The following NEK1 variants were observed in gnomAD, a reference collection of about 807,000 sequenced individuals.
The protein encoded by NEK1 is serine/threonine-protein kinase Nek1.
Under a neutral mutation model 182.1 loss-of-function variants are expected in NEK1, and 137 were observed. The observed-to-expected ratio is 0.75, with a 90% confidence interval of 0.65 to 0.87. NEK1 has a LOEUF of 0.87. NEK1 is among the 40% of genes least tolerant of loss of function. NEK1 has a pLI of 0.00. For synonymous variants in NEK1, 513 were observed against 492.2 expected (o/e 1.04, Z -0.56); for missense variants, 1,391 against 1,494.4 (o/e 0.93, Z 1.14).
chr4:169,472,906 A>G, intron 26 of NEK1, among the ~76,000 whole-genome samples: 1 of 152,216 alleles, frequency 6.6e-6, no homozygotes, highest in East Asian at 1.9e-4. Flanking sequence ...AATGAAGAAG[A>G]TAATTACAGT....
chr4:169,459,199 A>G (rs924862810), intron 27 of NEK1, among the ~76,000 whole-genome samples: 8 of 152,194 alleles, frequency 5.3e-5, no homozygotes, highest in Non-Finnish European at 1.2e-4. Context: ...AAAGTACCCA[A>G]TTTAAAAATG....
At chr4:169,478,380 C>T (rs368939743) in intron 24 of NEK1, 1 of 152,092 alleles carries the variant, frequency 6.6e-6, no homozygotes, top group East Asian at 1.9e-4. Flanking sequence ...AATTAGCAGT[C>T]CTACAACCAG....
At chr4:169,437,533 T>C (rs4692730) in intron 28 of NEK1, among the ~76,000 whole-genome samples, 110,346 of 152,044 alleles carry the variant, frequency 0.73, 42,293 homozygotes, top group Middle Eastern at 0.88. Flanking sequence ...CTTTGACTAA[T>C]AGAATACGGC....
intron 19 of NEK1, among the ~76,000 whole-genome samples, chr4:169,522,460 T>TGA (rs1490108087): frequency 1.3e-5 from 2 of 152,258 alleles, no homozygotes; most frequent in African/African-American, 2.4e-5. Flanking sequence ...CTCATAGTCC[T>TGA]GCTTAATCTA....
chr4:169,597,324 C>T (rs889958170), intron 5 of NEK1, among the ~76,000 whole-genome samples: 1 of 152,108 alleles, frequency 6.6e-6, no homozygotes, highest in Admixed American at 6.6e-5. Flanking sequence ...CATGTCTGTG[C>T]CTGGCCAGAA....
At chr4:169,488,167 C>T (rs1464449993) in intron 23 of NEK1, among the ~76,000 whole-genome samples, 1 of 152,032 alleles carries the variant, frequency 6.6e-6, no homozygotes, top group Non-Finnish European at 1.5e-5. Context: ...TGCAAAAGCT[C>T]TTTAGTTAAT....
intron 2 of NEK1, 53 bp from the exon 3 acceptor site, chr4:169,602,731 T>C (rs1020945871): frequency 9.5e-6 from 6 of 632,374 alleles, no homozygotes; most frequent in African/African-American, 3.8e-5. Flanking sequence ...TATAACTTCA[T>C]AACAATTTTA....
chr4:169,587,871 C>G (rs957673139), intron 8 of NEK1, among the ~76,000 whole-genome samples: 2 of 151,846 alleles, frequency 1.3e-5, no homozygotes, highest in African/African-American at 2.4e-5. Context: ...AAAAAATTCA[C>G]GTAAATTCTA....
At chr4:169,550,653 C>T (rs1761286972) in intron 18 of NEK1, among the ~76,000 whole-genome samples, 1 of 152,190 alleles carries the variant, frequency 6.6e-6, no homozygotes, top group South Asian at 2.1e-4. Context: ...TCCATGAATA[C>T]TGAACAGAAC....
At chr4:169,410,079 TCTA>T (rs1733401805) in intron 31 of NEK1, among the ~76,000 whole-genome samples, 1 of 152,216 alleles carries the variant, frequency 6.6e-6, no homozygotes, top group African/African-American at 2.4e-5. Flanking sequence ...TAATTCTGAT[TCTA>T]CTATTTCTAT....
intron 12 of NEK1, among the ~76,000 whole-genome samples, chr4:169,574,353 T>G (rs1195649826): frequency 1.3e-5 from 2 of 152,092 alleles, no homozygotes; most frequent in African/African-American, 4.8e-5. Context: ...CCCAGCGCTT[T>G]GGGAGGCCAA....
At chr4:169,406,868 T>A (rs908375674) in intron 31 of NEK1, 121 bp from the exon 32 acceptor site, 2 of 567,006 alleles carry the variant, frequency 3.5e-6, no homozygotes, top group Non-Finnish European at 5.6e-6. Context: ...TATAAAAAGT[T>A]TTTTTATATA....
chr4:169,427,888 T>C (rs778572201), intron 29 of NEK1, among the ~76,000 whole-genome samples: 40 of 152,076 alleles, frequency 2.6e-4, no homozygotes, highest in Non-Finnish European at 4.7e-4. Context: ...GGAATAATCA[T>C]GGCTCACCTC....
chr4:169,397,862 C>G (rs1033894446), intron 35 of NEK1, among the ~76,000 whole-genome samples: 1 of 152,190 alleles, frequency 6.6e-6, no homozygotes, highest in East Asian at 1.9e-4. Flanking sequence ...TCTCCAGATA[C>G]TTGTTGAGCA....
At chr4:169,484,811 T>C (rs549757301) in intron 23 of NEK1, among the ~76,000 whole-genome samples, 28 of 152,330 alleles carry the variant, frequency 1.8e-4, no homozygotes, top group African/African-American at 6.3e-4. Flanking sequence ...TCTCTGAACC[T>C]CACAGTTTTT....
rs374948421 is a variant in NEK1 at position 169,401,746 on chromosome 4, G to A, written c.3489C>T (p.Asn1163=). 2 of 1,613,808 alleles carry A rather than the reference G, an allele frequency of 1.2e-6. No homozygotes were observed. The highest frequency in any genetic ancestry group is 2.7e-5 in the African/African-American group (2 of 74,922). Residue 1163 remains asparagine (N), a synonymous_variant, in exon 33 of 36, where the codon AAC becomes AAT. Transcript: ENST00000507142. ...CATTTGCAGTTGGCTCCACATCACTGTTCTTCAAGACTGACTCTTCTTCTT... is the reference window on the plus strand; with the variant it reads ...CATTTGCAGTTGGCTCCACATCACTATTCTTCAAGACTGACTCTTCTTCTT... The part of the protein sequence containing the change: ...YSEEEESVLK[N]SDVEPTANGT...
chr4:169,571,172 CAATAAAAAAATA>C (rs905726362), intron 12 of NEK1, among the ~76,000 whole-genome samples: 2 of 113,930 alleles, frequency 1.8e-5, no homozygotes, highest in Non-Finnish European at 3.8e-5. Flanking sequence ...CAAGAATGAT[CAATAAAAAAATA>C]AATAAATAAA....
chr4:169,589,558 A>T (rs1444848728), intron 6 of NEK1, 44 bp from the exon 7 acceptor site: 8 of 1,173,704 alleles, frequency 6.8e-6, no homozygotes, highest in Non-Finnish European at 9.6e-6. Flanking sequence ...ATATTGTTAC[A>T]GTCCAGTTCT....
intron 19 of NEK1, among the ~76,000 whole-genome samples, chr4:169,532,895 C>T (rs1757899470): frequency 6.6e-6 from 1 of 151,066 alleles, no homozygotes; most frequent in African/African-American, 2.4e-5. Flanking sequence ...GCACTCCAGT[C>T]AGGGAGTGAG....
Sources: allele counts gnomAD v4.1 joint callset (sites outside exome capture counted in the v4.1 genomes callset), GRCh38; gene constraint gnomAD v4.1.1; transcripts MANE v1.5; gene names NCBI Gene and HGNC (gene_info 2026-07-23, HGNC 2026-07-21).